Variants in ZBTB20 observed in about 807,000 individuals in gnomAD.
ZBTB20 encodes the protein zinc finger and BTB domain containing 20, also known as zinc finger and BTB domain-containing protein 20.
Under a neutral mutation model 56.9 loss-of-function variants are expected in ZBTB20, and 9 were observed. The observed-to-expected ratio is 0.16, with a 90% CI of 0.10 to 0.28. The LOEUF (loss-of-function observed/expected upper bound fraction) is 0.28. ZBTB20 is among the 10% of genes least tolerant of loss of function. ZBTB20 has a pLI of 1.00. For missense variants in ZBTB20, 655 were observed against 1,003.0 expected (o/e 0.65, Z 4.69); for synonymous variants, 417 against 420.7 (o/e 0.99, Z 0.11).
intron 4 of ZBTB20, among the ~76,000 whole-genome samples, chr3:114,846,392 A>G (rs773191884): frequency 3.3e-5 from 5 of 152,216 alleles, no homozygotes; most frequent in African/African-American, 9.6e-5. Context: ...ACTCGAGAGC[A>G]TAGGTGAGCT....
At chr3:114,436,525 C>T (rs1034845144) in intron 7 of ZBTB20, among the ~76,000 whole-genome samples, 1 of 152,176 alleles carries the variant, frequency 6.6e-6, no homozygotes, top group Non-Finnish European at 1.5e-5. Context: ...TATCACAAAA[C>T]ATTTGGGTTT....
intron 7 of ZBTB20, among the ~76,000 whole-genome samples, chr3:114,476,737 C>T (rs548096805): frequency 6.6e-6 from 1 of 152,354 alleles, no homozygotes; most frequent in African/African-American, 2.4e-5. Context: ...CCTTCCAACA[C>T]TGTTGCATCA....
intron 6 of ZBTB20, among the ~76,000 whole-genome samples, chr3:114,524,993 C>T (rs1198918598): frequency 6.6e-6 from 1 of 152,194 alleles, no homozygotes; most frequent in African/African-American, 2.4e-5. Flanking sequence ...GGATTACAGG[C>T]ATGAGCCACT....
At chr3:114,825,075 C>T (rs2073454074) in intron 4 of ZBTB20, among the ~76,000 whole-genome samples, 2 of 151,870 alleles carry the variant, frequency 1.3e-5, no homozygotes, top group African/African-American at 4.8e-5. Flanking sequence ...TTCAAGTTGG[C>T]TCCTCTACCA....
At chr3:114,536,730 C>T (rs1311440722) in intron 6 of ZBTB20, among the ~76,000 whole-genome samples, 1 of 152,166 alleles carries the variant, frequency 6.6e-6, no homozygotes, top group Non-Finnish European at 1.5e-5. Context: ...CGCTACCTGA[C>T]TTCAAACTAT....
intron 2 of ZBTB20, among the ~76,000 whole-genome samples, chr3:115,041,321 C>T (rs1009465352): frequency 2.0e-5 from 3 of 152,090 alleles, no homozygotes; most frequent in African/African-American, 4.8e-5. Context: ...GAAACTGAGG[C>T]TCATGTAAAT....
At chr3:114,574,577 A>C (rs2053802118) in intron 6 of ZBTB20, among the ~76,000 whole-genome samples, 1 of 152,132 alleles carries the variant, frequency 6.6e-6, no homozygotes. Context: ...TATTTGACTG[A>C]ACATATATCT....
intron 7 of ZBTB20, among the ~76,000 whole-genome samples, chr3:114,483,729 A>G (rs1406332400): frequency 1.3e-5 from 2 of 152,204 alleles, no homozygotes; most frequent in Admixed American, 6.5e-5. Flanking sequence ...AGGAGTTGCT[A>G]CTTTCGAAGA....
At chr3:114,724,113 T>C (rs1217683752) in intron 5 of ZBTB20, among the ~76,000 whole-genome samples, 6 of 152,074 alleles carry the variant, frequency 3.9e-5, no homozygotes, top group Non-Finnish European at 8.8e-5. Context: ...GACCTCATGA[T>C]CCGCCCACCT....
At chr3:114,341,213 A>C (rs948402769) in intron 11 of ZBTB20, among the ~76,000 whole-genome samples, 17 of 152,170 alleles carry the variant, frequency 1.1e-4, no homozygotes, top group African/African-American at 3.6e-4. Context: ...CATTGCTAAT[A>C]ATCTCAATTT....
At chr3:114,523,696 G>A (rs964876073) in intron 6 of ZBTB20, among the ~76,000 whole-genome samples, 2 of 152,142 alleles carry the variant, frequency 1.3e-5, no homozygotes, top group Admixed American at 1.3e-4. Flanking sequence ...ATATGGGAGG[G>A]TAGGTGTGCT....
At chr3:114,428,775 G>T (rs186511273) in intron 7 of ZBTB20, among the ~76,000 whole-genome samples, 1 of 152,312 alleles carries the variant, frequency 6.6e-6, no homozygotes, top group East Asian at 1.9e-4. Context: ...CTTCTCACTA[G>T]AGAGAAAGAA....
At chr3:114,425,309 C>T (rs974774358) in intron 7 of ZBTB20, among the ~76,000 whole-genome samples, 1 of 152,068 alleles carries the variant, frequency 6.6e-6, no homozygotes, top group Non-Finnish European at 1.5e-5. Context: ...TGGACAAGTC[C>T]CCCACTGAGG....
chr3:114,636,492 C>T (rs1008251096), intron 6 of ZBTB20, among the ~76,000 whole-genome samples: 1 of 151,904 alleles, frequency 6.6e-6, no homozygotes, highest in Non-Finnish European at 1.5e-5. Flanking sequence ...TTAATGGATA[C>T]ACAGTATAAA....
chr3:114,374,886 A>G (rs1345982853), intron 10 of ZBTB20, among the ~76,000 whole-genome samples: 2 of 152,166 alleles, frequency 1.3e-5, no homozygotes, highest in Non-Finnish European at 2.9e-5. Flanking sequence ...GTGCCTCAGG[A>G]AGTTTTTGGA....
chr3:114,711,015 C>T (rs535633135), intron 5 of ZBTB20, among the ~76,000 whole-genome samples: 5 of 152,170 alleles, frequency 3.3e-5, no homozygotes, highest in Non-Finnish European at 5.9e-5. Flanking sequence ...GTTCTTCCTG[C>T]TGGTCACCAC....
intron 5 of ZBTB20, among the ~76,000 whole-genome samples, chr3:114,773,172 A>T (rs575693106): frequency 1.8e-4 from 28 of 152,300 alleles, no homozygotes; most frequent in African/African-American, 6.7e-4. Context: ...AGTTTCCTCC[A>T]GTTAAGAATC....
At chr3:114,434,150 G>C (rs533378610) in intron 7 of ZBTB20, among the ~76,000 whole-genome samples, 43 of 152,076 alleles carry the variant, frequency 2.8e-4, no homozygotes, top group Non-Finnish European at 2.6e-4. Context: ...TCCCACACTA[G>C]TGTAAAAAGT....
chr3:115,050,978 A>C (rs1401210127), intron 2 of ZBTB20, among the ~76,000 whole-genome samples: 2 of 152,124 alleles, frequency 1.3e-5, no homozygotes, highest in Admixed American at 1.3e-4. Context: ...TTTTTAGCAC[A>C]ATCTTCAATT....
Sources: gnomAD v4.1 joint callset for allele counts (sites outside exome capture counted in the v4.1 genomes callset) on GRCh38, gnomAD v4.1.1 for gene constraint, MANE v1.5 for transcripts, NCBI Gene and HGNC (gene_info 2026-07-23, HGNC 2026-07-21) for gene names.